Variants in TGFB1 observed in about 807,000 individuals in gnomAD.
TGFB1 encodes transforming growth factor beta-1 proprotein.
A neutral mutation model predicts 43.8 loss-of-function variants in TGFB1; 19 were observed. The observed-to-expected ratio is 0.43, with a 90% CI of 0.30 to 0.64. TGFB1 has a LOEUF of 0.64. TGFB1 is among the 30% of genes least tolerant of loss of function. The pLI is 0.11. For missense variants in TGFB1, 445 were observed against 529.8 expected (o/e 0.84, Z 1.57); for synonymous variants, 221 against 236.3 (o/e 0.94, Z 0.60).
At chr19:41,333,004 G>C (rs1003318290) in intron 5 of TGFB1, among the ~76,000 whole-genome samples, 1 of 151,890 alleles carries the variant, frequency 6.6e-6, no homozygotes, top group Non-Finnish European at 1.5e-5. Flanking sequence ...AGTCCTCACC[G>C]TGAGCCACAA....
At chr19:41,339,125 A>AT (rs35169655) in intron 5 of TGFB1, among the ~76,000 whole-genome samples, 16,927 of 140,590 alleles carry the variant, frequency 0.12, 1,370 homozygotes, top group African/African-American at 0.23. Flanking sequence ...TTCAGGTTTG[A>AT]TTTTTTTTTT....
intron 5 of TGFB1, among the ~76,000 whole-genome samples, chr19:41,332,698 G>A (rs1189460601): frequency 6.6e-6 from 1 of 152,106 alleles, no homozygotes; most frequent in Non-Finnish European, 1.5e-5. Context: ...TGTGGACTGA[G>A]GACAAATGAA....
chr19:41,347,848 A>G (rs1169402199), intron 2 of TGFB1, among the ~76,000 whole-genome samples: 1 of 127,366 alleles, frequency 7.9e-6, no homozygotes, highest in Non-Finnish European at 1.7e-5. Flanking sequence ...AAAAAAAAAA[A>G]AGAGGCCAGG....
intron 5 of TGFB1, among the ~76,000 whole-genome samples, chr19:41,340,759 C>T (rs986732746): frequency 2.6e-5 from 4 of 152,156 alleles, no homozygotes; most frequent in Non-Finnish European, 4.4e-5. Context: ...TCCAATCTGC[C>T]AACACTGGTA....
intron 1 of TGFB1, among the ~76,000 whole-genome samples, chr19:41,350,201 A>G (rs1320091546): frequency 6.6e-6 from 1 of 151,688 alleles, no homozygotes; most frequent in African/African-American, 2.4e-5. Context: ...TTTTATTATT[A>G]GTTTTCCACC....
At chr19:41,331,531 TAG>T (rs2037930867) in intron 6 of TGFB1, among the ~76,000 whole-genome samples, 2 of 147,762 alleles carry the variant, frequency 1.4e-5, no homozygotes, top group Admixed American at 6.8e-5. Context: ...GCCTCCGGAG[TAG>T]CTCCAACCAC....
Position 41,341,862 on chromosome 19 carries a change from C to T in TGFB1, c.860+21G>A, listed in dbSNP as rs376852904. On this transcript the variant is annotated intron_variant, in intron 5 of 6. Coordinates refer to ENST00000221930, the MANE Select transcript of TGFB1 (RefSeq NM_000660.7). ...TCATGCCCCCAGCCTGGAAGGCCTCCATCCAGGCTACAAGGCTCACCTGAA... is the reference window on the plus strand; with the variant it reads ...TCATGCCCCCAGCCTGGAAGGCCTCTATCCAGGCTACAAGGCTCACCTGAA... The T allele has an allele frequency of 3.1e-6, 5 of 1,612,496 alleles. No individual in the cohort carries two copies. In the African/African-American group the frequency reaches 5.3e-5, roughly 17 times the overall value.
chr19:41,345,051 AGGAGG>A (rs983765849), intron 2 of TGFB1, among the ~76,000 whole-genome samples, 187 bp from the exon 3 acceptor site: 3 of 152,102 alleles, frequency 2.0e-5, no homozygotes, highest in Non-Finnish European at 4.4e-5. Context: ...TACCCATGAG[AGGAGG>A]GGTGGAGAAA....
At chr19:41,333,586 T>C (rs996052703) in intron 5 of TGFB1, among the ~76,000 whole-genome samples, 9 of 152,160 alleles carry the variant, frequency 5.9e-5, no homozygotes, top group Admixed American at 5.2e-4. Context: ...GTGTCGAACT[T>C]GGGCTCAAAC....
Position 41,331,136 on chromosome 19 carries a change from C to T in TGFB1, c.1089G>A (p.Pro363=). The T allele has an allele frequency of 6.4e-7, 1 of 1,572,338 alleles. No individual in the cohort carries two copies. Among genetic ancestry groups the T allele is most frequent in the Non-Finnish European group, 8.6e-7 (1 of 1,161,114 alleles). The part of the protein sequence containing the change: ...APCCVPQALE[P]LPIVYYVGRK... ...GGCCCACGTAGTACACGATGGGCAG[C>T]GGCTCCAGCGCCTGCGGCACGCAGC... is the stretch of plus-strand genomic sequence containing the variant. Residue 363 remains proline (P), a synonymous_variant, in exon 7 of 7, where the codon CCG becomes CCA. Transcript: ENST00000221930.
chr19:41,337,139 ATTAT>A (rs1393618195), intron 5 of TGFB1, among the ~76,000 whole-genome samples: 1 of 151,074 alleles, frequency 6.6e-6, no homozygotes, highest in East Asian at 1.9e-4. Flanking sequence ...TGTATTTTTA[ATTAT>A]TTATTTATTT....
Position 41,348,914 on chromosome 19 carries a change from G to A in TGFB1, c.356-459C>T, listed in dbSNP as rs112007605. On this transcript the variant is annotated intron_variant, in intron 1 of 6. Coordinates refer to ENST00000221930, the MANE Select transcript of TGFB1 (RefSeq NM_000660.7). ...TGGGATTACAGGTGTGAGCCACCAC[G>A]CCCAGCCCTGACTGTGATACTTTTT... 2.0e-4 allele frequency among the ~76,000 whole-genome samples: 31 copies of A among 152,108 alleles called. No homozygotes were observed. The South Asian group carries it at 2.7e-3, about 13-fold the overall frequency.
At chr19:41,352,242 C>G (rs191945731) in intron 1 of TGFB1, among the ~76,000 whole-genome samples, 80 of 152,082 alleles carry the variant, frequency 5.3e-4, no homozygotes, top group South Asian at 1.0e-3. Context: ...TCAGGACCCC[C>G]AAGCTCTGGG....
chr19:41,352,950 G>A lies in TGFB1; in HGVS notation c.95C>T (p.Thr32Ile). 6.4e-7 allele frequency: 1 copy of A among 1,552,062 alleles called. No homozygotes were observed. The highest frequency in any genetic ancestry group is 8.7e-7 in the Non-Finnish European group (1 of 1,150,918). ...TPGRPAAGLSTCKTIDMELVK... is the reference protein window; with the variant it reads ...TPGRPAAGLSICKTIDMELVK... ...CAGCTCCATGTCGATAGTCTTGCAG[G>A]TGGATAGTCCCGCGGCCGGCCGGCC... Residue 32 changes from threonine (T) to isoleucine (I), a missense_variant, in exon 1 of 7, where the codon ACC becomes ATC. By Grantham distance (89) the Thr-to-Ile change is moderately conservative (BLOSUM62 -1). Coordinates refer to ENST00000221930, the MANE Select transcript of TGFB1 (RefSeq NM_000660.7).
At position 41,352,619 on chromosome 19, in the gene TGFB1, TACCCG is replaced by T. The variant is rs2123117432; in HGVS notation, c.355+66_355+70del. 7.7e-6 allele frequency: 12 copies of T among 1,559,162 alleles called. No homozygotes were observed. In the East Asian group the frequency reaches 2.5e-4, roughly 33 times the overall value. On this transcript the variant is annotated intron_variant, in intron 1 of 6. Transcript: ENST00000221930. ...CCAGTTTCTTCTGCCAGTCACTTCCTACCCGTGGCCCCGGCACTCCGGCGCCCCCT... is the reference window on the plus strand; with the variant it reads ...CCAGTTTCTTCTGCCAGTCACTTCCTTGGCCCCGGCACTCCGGCGCCCCCT...
chr19:41,353,000 C>CAGCGGT lies in TGFB1; in HGVS notation c.39_44dup (p.Pro14_Leu15dup). The stretch of plus-strand genomic sequence containing the variant: ...CAGGCGTCAGCACCAGTAGCCACAG[C>CAGCGGT]AGCGGTAGCAGCAGCGGCAGCAGCC... On this transcript the variant is annotated inframe_insertion, in exon 1 of 7. Coordinates refer to ENST00000221930, the MANE Select transcript of TGFB1 (RefSeq NM_000660.7). The CAGCGGT allele has an allele frequency of 6.5e-7, 1 of 1,536,304 alleles. No homozygotes were observed. Among genetic ancestry groups the CAGCGGT allele is most frequent in the Non-Finnish European group, 8.7e-7 (1 of 1,145,146 alleles).
At chr19:41,348,553 G>A in intron 1 of TGFB1, 98 bp from the exon 2 acceptor site, 1 of 1,056,822 alleles carries the variant, frequency 9.5e-7, no homozygotes, top group Non-Finnish European at 1.5e-6. Flanking sequence ...ACAGCTCTGG[G>A]GTGGAGTCAG....
intron 3 of TGFB1, among the ~76,000 whole-genome samples, chr19:41,343,169 T>C (rs2038077901): frequency 6.7e-6 from 1 of 149,504 alleles, no homozygotes; most frequent in Non-Finnish European, 1.5e-5. Context: ...AGTTTCACTG[T>C]TGTTGCCCAG....
At chr19:41,334,124 C>T (rs1224107923) in intron 5 of TGFB1, among the ~76,000 whole-genome samples, 1 of 152,214 alleles carries the variant, frequency 6.6e-6, no homozygotes, top group Non-Finnish European at 1.5e-5. Context: ...CCTGTAATCC[C>T]AGCACTTTGG....
Sources: gnomAD v4.1 joint callset for allele counts (sites outside exome capture counted in the v4.1 genomes callset) on GRCh38, gnomAD v4.1.1 for gene constraint, MANE v1.5 for transcripts, NCBI Gene and HGNC (gene_info 2026-07-23, HGNC 2026-07-21) for gene names.